The following EPHA4 variants were observed in gnomAD, a reference collection of about 807,000 sequenced individuals.
EPHA4 encodes the protein ephrin type-A receptor 4.
In EPHA4, 19 loss-of-function variants were observed where a neutral mutation model predicts 108.3. The observed-to-expected ratio is 0.18, with a 90% CI of 0.12 to 0.26. The LOEUF (loss-of-function observed/expected upper bound fraction) is 0.26. Ranked by LOEUF, EPHA4 falls within the 10% of genes least tolerant of loss-of-function variation. The pLI is 1.00. For missense variants in EPHA4, 917 were observed against 1,254.0 expected (o/e 0.73, Z 4.06); for synonymous variants, 449 against 455.5 (o/e 0.99, Z 0.18).
chr2:221,434,186 T>C lies in EPHA4; in HGVS notation c.2452A>G (p.Met818Val). ...CAATAGGGCCTCTCCCCGTACGACA[T>C]CACTTCCCACATAACGATTCCATAG... ...WSYGIVMWEV[M>V]SYGERPYWDM... The change falls in exon 14 of 18, where the codon ATG (methionine) becomes GTG (valine). Residue 818 changes from methionine (M) to valine (V), a missense_variant. Physicochemically the swap from Met to Val is conservative, Grantham distance 21. Transcript: ENST00000281821. 1 of 1,614,148 alleles carries C rather than the reference T, an allele frequency of 6.2e-7. No individual in the cohort carries two copies. Among genetic ancestry groups the C allele is most frequent in the Non-Finnish European group, 8.5e-7 (1 of 1,179,992 alleles).
chr2:221,427,538 G>T (rs1052570139), intron 15 of EPHA4, among the ~76,000 whole-genome samples: 31 of 152,006 alleles, frequency 2.0e-4, no homozygotes, highest in Admixed American at 1.7e-3. Flanking sequence ...GCCTTCATGG[G>T]GTTATTTTAT....
chr2:221,508,367 T>C (rs1559271631), intron 3 of EPHA4, among the ~76,000 whole-genome samples: 5 of 151,944 alleles, frequency 3.3e-5, no homozygotes, highest in African/African-American at 9.7e-5. Flanking sequence ...TCACCTGAGG[T>C]CAGAAGCTTG....
chr2:221,498,996 G>T (rs1366293533), intron 4 of EPHA4, among the ~76,000 whole-genome samples: 2 of 150,998 alleles, frequency 1.3e-5, no homozygotes, highest in Non-Finnish European at 1.5e-5. Flanking sequence ...TTGCTATGTT[G>T]CCCAGGCTGG....
chr2:221,465,575 G>C (rs1436243107), intron 5 of EPHA4, among the ~76,000 whole-genome samples: 5 of 152,126 alleles, frequency 3.3e-5, no homozygotes, highest in African/African-American at 1.2e-4. Flanking sequence ...TACCTTCCTA[G>C]ATTCCTTTGT....
At chr2:221,544,844 C>A (rs1195305044) in intron 3 of EPHA4, among the ~76,000 whole-genome samples, 2 of 152,046 alleles carry the variant, frequency 1.3e-5, no homozygotes, top group African/African-American at 4.8e-5. Context: ...GGAAGAGACC[C>A]CAGAGATTGC....
rs1689908290 is a variant in EPHA4 at position 221,426,308 on chromosome 2, T to C, written c.2846+156A>G. 6.8e-6 allele frequency: 7 copies of C among 1,033,284 alleles called. No homozygotes were observed. In the South Asian group the frequency reaches 8.2e-5, roughly 12 times the overall value. The allele number at this position is 1,033,284 out of a possible 1,614,324, so 64.0% of individuals were successfully genotyped here. A position where few individuals can be genotyped will look rare whatever the true frequency, so the allele number is the denominator to read the frequency against. ...AAGCAATTTAATGCAAGAATGTAGA[T>C]ACTTTATAGAGGCTGTGTAAAATTA... On this transcript the variant is annotated intron_variant, in intron 16 of 17. Transcript: ENST00000281821.
At chr2:221,505,585 A>T (rs1279219244) in intron 3 of EPHA4, among the ~76,000 whole-genome samples, 5 of 152,110 alleles carry the variant, frequency 3.3e-5, no homozygotes, top group Admixed American at 2.6e-4. Context: ...CGGCCTCCCA[A>T]AGTGCCAGGA....
At chr2:221,433,977 AAT>A (rs1690156858) in intron 14 of EPHA4, among the ~76,000 whole-genome samples, 163 bp downstream of exon 14, 1 of 152,202 alleles carries the variant, frequency 6.6e-6, no homozygotes, top group African/African-American at 2.4e-5. Flanking sequence ...CCTTGAAATC[AAT>A]AGTCATTGGT....
chr2:221,568,871 G>T, intron 1 of EPHA4, 86 bp from the exon 2 acceptor site: 5 of 1,119,834 alleles, frequency 4.5e-6, no homozygotes, highest in Non-Finnish European at 6.5e-6. Flanking sequence ...GTTTCCATAT[G>T]TGCTGAGGCT....
chr2:221,564,886 T>G (rs1574664020), intron 2 of EPHA4, among the ~76,000 whole-genome samples: 2 of 50,060 alleles, frequency 4.0e-5, no homozygotes, highest in African/African-American at 2.2e-4. Flanking sequence ...CTCTAATACC[T>G]CAAAAAAAAA....
intron 11 of EPHA4, among the ~76,000 whole-genome samples, chr2:221,440,071 G>A (rs1401948526): frequency 6.6e-6 from 1 of 152,168 alleles, no homozygotes; most frequent in East Asian, 1.9e-4. Flanking sequence ...GTCTCCATAA[G>A]CAAAGGGGCT....
At chr2:221,458,113 G>A (rs1169697984) in intron 5 of EPHA4, 123 bp from the exon 6 acceptor site, 1 of 1,225,984 alleles carries the variant, frequency 8.2e-7, no homozygotes, top group Non-Finnish European at 1.1e-6. Flanking sequence ...TCTCCCCCTT[G>A]ACCATTTTAC....
At chr2:221,511,495 G>A (rs979946352) in intron 3 of EPHA4, among the ~76,000 whole-genome samples, 8 of 152,068 alleles carry the variant, frequency 5.3e-5, no homozygotes, top group East Asian at 1.9e-4. Context: ...CCTCACTTCC[G>A]ATTTCTGTAC....
chr2:221,533,740 A>G (rs1300387700), intron 3 of EPHA4, among the ~76,000 whole-genome samples: 1 of 150,740 alleles, frequency 6.6e-6, no homozygotes, highest in Non-Finnish European at 1.5e-5. Flanking sequence ...AAAAAAAAAA[A>G]AAAAAAAAAA....
intron 8 of EPHA4, among the ~76,000 whole-genome samples, chr2:221,448,131 C>T (rs60142557): frequency 0.35 from 52,372 of 151,732 alleles, 10,794 homozygotes; most frequent in African/African-American, 0.59. Context: ...CATGAACCAC[C>T]GCACCCAGCC....
At chr2:221,440,354 TC>T (rs1481278720) in intron 11 of EPHA4, among the ~76,000 whole-genome samples, 2 of 152,060 alleles carry the variant, frequency 1.3e-5, no homozygotes, top group Admixed American at 1.3e-4. Flanking sequence ...GCTAGGAAAA[TC>T]ACTGTCTGCG....
intron 3 of EPHA4, chr2:221,502,581 A>G (rs1487547419): frequency 2.1e-6 from 1 of 471,318 alleles, no homozygotes; most frequent in South Asian, 1.5e-5. Context: ...CTCTGGAGAT[A>G]GGGCCATCAT....
At chr2:221,572,101 C>G in intron 1 of EPHA4, 57 bp downstream of exon 1, 6 of 1,469,474 alleles carry the variant, frequency 4.1e-6, no homozygotes, top group Non-Finnish European at 5.7e-6. Flanking sequence ...CTGAGGACCC[C>G]TCACCCGCGA....
chr2:221,443,430 C>T, intron 10 of EPHA4, 63 bp downstream of exon 10: 1 of 1,220,648 alleles, frequency 8.2e-7, no homozygotes, highest in South Asian at 1.2e-5. Context: ...ATGTAATCCA[C>T]ACACATATTT....
Sources: allele counts gnomAD v4.1 joint callset (sites outside exome capture counted in the v4.1 genomes callset), GRCh38; gene constraint gnomAD v4.1.1; transcripts MANE v1.5; gene names NCBI Gene and HGNC (gene_info 2026-07-23, HGNC 2026-07-21).